The following CA13 variants were observed in gnomAD, a reference collection of about 807,000 sequenced individuals.
CA13 encodes CA-XIII.
Under a neutral mutation model 31.5 loss-of-function variants are expected in CA13, and 21 were observed. The ratio of observed to expected loss-of-function variants is 0.67; its 90% confidence interval spans 0.47 to 0.96. The LOEUF is 0.96. Among genes scored for constraint, CA13 ranks in the 40% least tolerant of loss-of-function variants. The pLI is 0.00. For missense variants in CA13, 315 were observed against 318.9 expected (o/e 0.99, Z 0.09); for synonymous variants, 117 against 111.4 (o/e 1.05, Z -0.32).
chr8:85,271,372 C>T (rs750278884), intron 6 of CA13, among the ~76,000 whole-genome samples: 6 of 152,194 alleles, frequency 3.9e-5, no homozygotes, highest in Admixed American at 1.3e-4. Flanking sequence ...TGCCAAGTCA[C>T]AGTTTGACCT....
intron 1 of CA13, among the ~76,000 whole-genome samples, chr8:85,249,163 G>C (rs1813782318): frequency 6.6e-6 from 1 of 152,116 alleles, no homozygotes; most frequent in Non-Finnish European, 1.5e-5. Flanking sequence ...ATGTATGTGT[G>C]AGTTCTCTTT....
intron 6 of CA13, among the ~76,000 whole-genome samples, chr8:85,270,133 G>T (rs1807510140): frequency 6.6e-6 from 1 of 152,160 alleles, no homozygotes; most frequent in African/African-American, 2.4e-5. Flanking sequence ...TTCTTCATTG[G>T]TTTTGTTTTT....
At chr8:85,276,691 A>C (rs973413664) in intron 6 of CA13, among the ~76,000 whole-genome samples, 4 of 152,024 alleles carry the variant, frequency 2.6e-5, no homozygotes, top group Non-Finnish European at 5.9e-5. Context: ...TGTCTAGCTA[A>C]GGGATTGTAA....
intron 2 of CA13, among the ~76,000 whole-genome samples, chr8:85,255,390 G>A (rs1477684015): frequency 6.6e-6 from 1 of 151,918 alleles, no homozygotes; most frequent in Non-Finnish European, 1.5e-5. Flanking sequence ...AGCCTCCTGA[G>A]TAGCTGGGAT....
intron 2 of CA13, among the ~76,000 whole-genome samples, chr8:85,257,705 C>CA (rs71273928): frequency 0.61 from 87,296 of 142,428 alleles, 26,593 homozygotes; most frequent in Non-Finnish European, 0.64. Context: ...GACCTTGTCT[C>CA]AAAAAAAAAA....
chr8:85,281,486 A>T lies in CA13; in HGVS notation c.*137A>T. On this transcript the variant is annotated 3_prime_UTR_variant, in exon 7 of 7. Coordinates refer to ENST00000321764, the MANE Select transcript of CA13 (RefSeq NM_198584.3). ...ACATTTTAGTATGAGCTTCAGTGTC[A>T]CAAAGAAAACCAGATCTCTCTCTCT... The T allele has an allele frequency of 7.1e-7, 1 of 1,414,844 alleles. No homozygotes were observed. Among genetic ancestry groups the T allele is most frequent in the Non-Finnish European group, 9.3e-7 (1 of 1,078,782 alleles). The allele number at this position is 1,414,844 out of a possible 1,614,324, so 87.6% of individuals were successfully genotyped here. A position where few individuals can be genotyped will look rare whatever the true frequency, so the allele number is the denominator to read the frequency against.
rs549687596 is a variant in CA13 at position 85,266,145 on chromosome 8, T to C, written c.355-463T>C. On this transcript the variant is annotated intron_variant, in intron 3 of 6. Coordinates refer to ENST00000321764, the MANE Select transcript of CA13 (RefSeq NM_198584.3). ...AGTTACTTGGGAGCAATAGCTGGAG[T>C]TTGTTAGGGCTGAAGGGGCTGTGAA... Among the ~76,000 whole-genome samples the C allele has an allele frequency of 2.6e-5, 4 of 152,078 alleles. No individual in the cohort carries two copies. In the South Asian group the frequency reaches 8.3e-4, roughly 32 times the overall value.
At chr8:85,268,676 G>GTT in intron 6 of CA13, 49 bp downstream of exon 6, 3 of 1,355,404 alleles carry the variant, frequency 2.2e-6, no homozygotes, top group Non-Finnish European at 2.9e-6. Flanking sequence ...AGGAAACTGG[G>GTT]CTTTTTTTTT....
intron 3 of CA13, 103 bp from the exon 4 acceptor site, chr8:85,266,505 A>G (rs1323710573): frequency 2.5e-5 from 19 of 762,112 alleles, no homozygotes; most frequent in Middle Eastern, 2.6e-4. Flanking sequence ...TACATTATAC[A>G]TAAGTGTACA....
At chr8:85,279,883 G>A (rs989252385) in intron 6 of CA13, among the ~76,000 whole-genome samples, 3 of 152,138 alleles carry the variant, frequency 2.0e-5, no homozygotes. Flanking sequence ...ATTCTCTTCA[G>A]CCTCATGTGG....
intron 6 of CA13, among the ~76,000 whole-genome samples, chr8:85,280,147 G>A (rs1807679591): frequency 6.6e-6 from 1 of 152,112 alleles, no homozygotes; most frequent in African/African-American, 2.4e-5. Flanking sequence ...GGGTGCGGTG[G>A]CACGTGCCTG....
At chr8:85,248,376 G>A (rs1224564320) in intron 1 of CA13, among the ~76,000 whole-genome samples, 1 of 151,348 alleles carries the variant, frequency 6.6e-6, no homozygotes, top group Non-Finnish European at 1.5e-5. Context: ...AGAATTGCTT[G>A]AACCTGGGAG....
chr8:85,276,261 CGG>C (rs980555993), intron 6 of CA13, among the ~76,000 whole-genome samples: 3 of 152,154 alleles, frequency 2.0e-5, no homozygotes, highest in Non-Finnish European at 4.4e-5. Context: ...TTCCTCCCCC[CGG>C]GGCAGGGCTC....
At chr8:85,257,339 T>C (rs983658450) in intron 2 of CA13, among the ~76,000 whole-genome samples, 1 of 152,196 alleles carries the variant, frequency 6.6e-6, no homozygotes, top group African/African-American at 2.4e-5. Flanking sequence ...ACAGATCCTG[T>C]TGCCAGCTTG....
chr8:85,263,731 G>A (rs1281916164), intron 3 of CA13, among the ~76,000 whole-genome samples: 1 of 152,172 alleles, frequency 6.6e-6, no homozygotes, highest in Non-Finnish European at 1.5e-5. Flanking sequence ...GACAGGTTAA[G>A]TTTGAGATGT....
chr8:85,250,598 TGCCAAG>T (rs1813808170), intron 1 of CA13, 136 bp from the exon 2 acceptor site: 4 of 575,358 alleles, frequency 7.0e-6, no homozygotes, highest in Non-Finnish European at 1.2e-5. Context: ...AACAATTAGA[TGCCAAG>T]GTCCTGAGGA....
intron 6 of CA13, among the ~76,000 whole-genome samples, chr8:85,271,623 T>C (rs951979956): frequency 6.6e-6 from 1 of 152,238 alleles, no homozygotes; most frequent in Non-Finnish European, 1.5e-5. Flanking sequence ...AAATTCAATG[T>C]GCAAAATACT....
In CA13 at chr8:85,245,710, C is replaced by A; in HGVS notation, c.-119C>A. 8.4e-7 allele frequency: 1 copy of A among 1,195,276 alleles called. No homozygotes were observed. The highest frequency in any genetic ancestry group is 1.2e-6 in the Non-Finnish European group (1 of 814,088). The allele number at this position is 1,195,276 out of a possible 1,614,324, so 74.0% of individuals were successfully genotyped here. On this transcript the variant is annotated 5_prime_UTR_variant, in exon 1 of 7. Transcript: ENST00000321764. ...CCCGGACCGGGTTCACGGTCTCGCACTCCTGCCGCCGGCGCCCCGCGGTCC... is the reference window on the plus strand; with the variant it reads ...CCCGGACCGGGTTCACGGTCTCGCAATCCTGCCGCCGGCGCCCCGCGGTCC...
At chr8:85,260,448 T>C (rs1338448734) in intron 3 of CA13, among the ~76,000 whole-genome samples, 1 of 152,194 alleles carries the variant, frequency 6.6e-6, no homozygotes, top group Non-Finnish European at 1.5e-5. Flanking sequence ...GTTACTGAGC[T>C]GTAGAGTTTA....
Sources: allele counts gnomAD v4.1 joint callset (sites outside exome capture counted in the v4.1 genomes callset), GRCh38; gene constraint gnomAD v4.1.1; transcripts MANE v1.5; gene names NCBI Gene and HGNC (gene_info 2026-07-23, HGNC 2026-07-21).